CTIF: variants seen among roughly 807,000 people sequenced by gnomAD.
The protein encoded by CTIF is CBP80/20-dependent translation initiation factor.
A neutral mutation model predicts 66.0 loss-of-function variants in CTIF; 21 were observed. That is an observed-to-expected ratio of 0.32 (90% CI 0.23 to 0.46). CTIF has a LOEUF of 0.46. Ranked by LOEUF, CTIF falls within the 20% of genes least tolerant of loss-of-function variation. The pLI is 1.00. For missense variants in CTIF, 739 were observed against 812.7 expected, an observed-to-expected ratio of 0.91 and a Z score of 1.10; for synonymous variants, 345 against 326.4, an observed-to-expected ratio of 1.06 and a Z score of -0.62.
At chr18:48,783,158 G>C (rs1178323589) in intron 9 of CTIF, among the ~76,000 whole-genome samples, 1 of 152,220 alleles carries the variant, frequency 6.6e-6, no homozygotes, top group Non-Finnish European at 1.5e-5. Flanking sequence ...AGGCCTGTTA[G>C]ACACAGGGTC....
At chr18:48,586,078 C>T (rs1020991525) in intron 1 of CTIF, among the ~76,000 whole-genome samples, 1 of 152,062 alleles carries the variant, frequency 6.6e-6, no homozygotes, top group African/African-American at 2.4e-5. Context: ...CCTCACTTTT[C>T]CTAGAGACAT....
chr18:48,815,641 C>T (rs150033547), intron 9 of CTIF, among the ~76,000 whole-genome samples: 38 of 152,334 alleles, frequency 2.5e-4, no homozygotes, highest in African/African-American at 7.2e-4. Context: ...TCAGCCAGCC[C>T]CTGACCTGCC....
intron 1 of CTIF, among the ~76,000 whole-genome samples, chr18:48,543,406 C>A (rs1436520657): frequency 6.6e-6 from 1 of 152,182 alleles, no homozygotes. Flanking sequence ...TGCTGACTCA[C>A]CGGCACCCTG....
intron 6 of CTIF, among the ~76,000 whole-genome samples, chr18:48,699,847 G>A (rs930974128): frequency 6.6e-6 from 1 of 152,220 alleles, no homozygotes; most frequent in African/African-American, 2.4e-5. Flanking sequence ...CAGCTCCTGC[G>A]GTAAGTGGCA....
chr18:48,742,974 C>T (rs1410296803), intron 7 of CTIF, among the ~76,000 whole-genome samples: 1 of 152,164 alleles, frequency 6.6e-6, no homozygotes, highest in Non-Finnish European at 1.5e-5. Flanking sequence ...GTGGTTTTGC[C>T]CATTACACAT....
chr18:48,788,377 C>T (rs1218351638), intron 9 of CTIF, among the ~76,000 whole-genome samples: 1 of 152,168 alleles, frequency 6.6e-6, no homozygotes, highest in African/African-American at 2.4e-5. Flanking sequence ...AGACACTTGA[C>T]TCCTAGGAGA....
chr18:48,772,827 T>C (rs1486599047), intron 9 of CTIF, among the ~76,000 whole-genome samples: 1 of 152,236 alleles, frequency 6.6e-6, no homozygotes, highest in Non-Finnish European at 1.5e-5. Context: ...AGTCCCTGCT[T>C]TTGATTCTTT....
intron 2 of CTIF, among the ~76,000 whole-genome samples, chr18:48,625,557 C>A (rs1392717476): frequency 6.6e-6 from 1 of 152,110 alleles, no homozygotes; most frequent in African/African-American, 2.4e-5. Flanking sequence ...TTTTTAATGC[C>A]TTTCCTGACA....
chr18:48,854,988 G>C (rs1392053113), intron 10 of CTIF, among the ~76,000 whole-genome samples: 1 of 77,636 alleles, frequency 1.3e-5, no homozygotes, highest in African/African-American at 5.4e-5. Flanking sequence ...GATGTTTATT[G>C]GTTTGTTTTC....
At chr18:48,652,150 A>G (rs1209169481) in intron 3 of CTIF, among the ~76,000 whole-genome samples, 1 of 152,258 alleles carries the variant, frequency 6.6e-6, no homozygotes, top group Non-Finnish European at 1.5e-5. Flanking sequence ...GAACTGAAGG[A>G]GATAGAGACG....
intron 1 of CTIF, among the ~76,000 whole-genome samples, chr18:48,604,000 C>T (rs560263016): frequency 1.2e-3 from 183 of 151,654 alleles, no homozygotes; most frequent in African/African-American, 4.1e-3. Flanking sequence ...AGGCACATGC[C>T]GCCATGCCTG....
chr18:48,736,415 C>T (rs2092503586), intron 7 of CTIF, among the ~76,000 whole-genome samples: 1 of 152,166 alleles, frequency 6.6e-6, no homozygotes, highest in African/African-American at 2.4e-5. Flanking sequence ...GAGTGGAAGC[C>T]AGAGCTGTGC....
At chr18:48,828,447 A>T (rs2068626493) in intron 10 of CTIF, among the ~76,000 whole-genome samples, 1 of 152,126 alleles carries the variant, frequency 6.6e-6, no homozygotes, top group Non-Finnish European at 1.5e-5. Flanking sequence ...GCATTTTTTC[A>T]TAGATTGAGC....
At chr18:48,798,893 C>T (rs1015137001) in intron 9 of CTIF, among the ~76,000 whole-genome samples, 5 of 152,120 alleles carry the variant, frequency 3.3e-5, no homozygotes, top group Admixed American at 2.0e-4. Context: ...CAGATGCCTA[C>T]GGTGCACAGG....
Position 48,757,712 on chromosome 18 carries a change from G to T in CTIF, c.585-207G>T, listed in dbSNP as rs78225844. On this transcript the variant is annotated intron_variant, in intron 7 of 11. Coordinates refer to ENST00000256413, the MANE Select transcript of CTIF (RefSeq NM_014772.3). ...AGGAAAGAATTGGCTTTGGTCCTCTGCAGTAGCAAGGACCGGTCTGCCTGT... is the reference window on the plus strand; with the variant it reads ...AGGAAAGAATTGGCTTTGGTCCTCTTCAGTAGCAAGGACCGGTCTGCCTGT... 0.012 allele frequency among the ~76,000 whole-genome samples: 1,828 copies of T among 152,314 alleles called. 20 individuals are homozygous for T. Among genetic ancestry groups the T allele is most frequent in the Non-Finnish European group, 0.019 (1,324 of 68,018 alleles).
chr18:48,797,494 G>GGA (rs1555695510), intron 9 of CTIF, among the ~76,000 whole-genome samples: 2 of 142,418 alleles, frequency 1.4e-5, no homozygotes, highest in Non-Finnish European at 1.6e-5. Flanking sequence ...AAAAGAAAAG[G>GGA]GGTGGGGGGG....
At position 48,730,694 on chromosome 18, in the gene CTIF, T is replaced by A. The variant is rs553695747; in HGVS notation, c.584+18999T>A. On this transcript the variant is annotated intron_variant, in intron 7 of 11. Transcript: ENST00000256413. ...GGGCTTCTGCGGTGTGAGGAGCCCC[T>A]GAGGTGTGAGGGGCTTCCGCGGTGT... is the stretch of plus-strand genomic sequence containing the variant. Among the ~76,000 whole-genome samples the A allele has an allele frequency of 1.4e-4, 6 of 44,124 alleles. 1 individual carries two copies. The highest frequency in any genetic ancestry group is 8.9e-4 in the African/African-American group (5 of 5,588). The allele number at this position is 44,124 out of a possible 152,430, so 28.9% of individuals were successfully genotyped here.
intron 9 of CTIF, among the ~76,000 whole-genome samples, chr18:48,767,115 A>G (rs918977931): frequency 6.6e-6 from 1 of 152,160 alleles, no homozygotes; most frequent in Non-Finnish European, 1.5e-5. Flanking sequence ...CTGACTGCAG[A>G]CTAGACTGAC....
At chr18:48,746,201 A>G (rs2145784354) in intron 7 of CTIF, among the ~76,000 whole-genome samples, 1 of 152,248 alleles carries the variant, frequency 6.6e-6, no homozygotes, top group South Asian at 2.1e-4. Flanking sequence ...GAAGGGCTGG[A>G]CAAGGTTTAT....
Sources: gnomAD v4.1 joint callset for allele counts (sites outside exome capture counted in the v4.1 genomes callset) on GRCh38, gnomAD v4.1.1 for gene constraint, MANE v1.5 for transcripts, NCBI Gene and HGNC (gene_info 2026-07-23, HGNC 2026-07-21) for gene names.